The following RNF144A variants were observed in gnomAD, a reference collection of about 807,000 sequenced individuals.
RNF144A encodes E3 ubiquitin-protein ligase RNF144A.
RNF144A carries 11 observed loss-of-function variants against 38.7 expected under a neutral mutation model. The ratio of observed to expected loss-of-function variants is 0.28; its 90% CI spans 0.18 to 0.47. The LOEUF (loss-of-function observed/expected upper bound fraction) is 0.47. Among genes scored for constraint, RNF144A ranks in the 20% least tolerant of loss-of-function variants. RNF144A has a pLI of 0.99. For synonymous variants in RNF144A, 149 were observed against 143.9 expected (o/e 1.04, Z -0.25); for missense variants, 316 against 377.2 (o/e 0.84, Z 1.34).
At chr2:6,946,363 A>G (rs1029835457) in intron 2 of RNF144A, among the ~76,000 whole-genome samples, 3 of 152,224 alleles carry the variant, frequency 2.0e-5, no homozygotes, top group African/African-American at 7.2e-5. Context: ...AATGGGTAAC[A>G]TAATTCAGTC....
chr2:6,972,684 C>T (rs1411442202), intron 2 of RNF144A, among the ~76,000 whole-genome samples: 2 of 152,204 alleles, frequency 1.3e-5, no homozygotes, highest in Non-Finnish European at 2.9e-5. Context: ...AGCTGTGTCT[C>T]AGGGTTGTGT....
In RNF144A at chr2:7,001,615, C is replaced by G. The variant is rs370392218; in HGVS notation, c.135+4554C>G. The stretch of plus-strand genomic sequence containing the variant: ...CTGCTTGAGCCCAGGAGGTCGAGGC[C>G]GCAGTGAGCCATGATTACACCACTG... On this transcript the variant is annotated intron_variant, in intron 3 of 8. Coordinates refer to ENST00000320892, the MANE Select transcript of RNF144A (RefSeq NM_014746.6). Among the ~76,000 whole-genome samples the G allele has an allele frequency of 1.1e-3, 166 of 151,822 alleles. 1 individual carries two copies. Among genetic ancestry groups the G allele is most frequent in the African/African-American group, 4.0e-3 (164 of 41,382 alleles).
intron 7 of RNF144A, 70 bp from the exon 8 acceptor site, chr2:7,030,056 A>G (rs1672176796): frequency 1.9e-6 from 2 of 1,049,788 alleles, no homozygotes; most frequent in Non-Finnish European, 3.0e-6. Flanking sequence ...AAATGCATCA[A>G]TGGCTGTGAT....
At chr2:6,978,260 T>C (rs1572321195) in intron 2 of RNF144A, among the ~76,000 whole-genome samples, 1 of 152,050 alleles carries the variant, frequency 6.6e-6, no homozygotes, top group African/African-American at 2.4e-5. Context: ...ATATGGTGGG[T>C]TCTATTGTTT....
Position 7,064,772 on chromosome 2 carries a change from A to T in RNF144A, c.735-3444A>T, listed in dbSNP as rs181112921. On this transcript the variant is annotated intron_variant, in intron 6 of 6. Coordinates refer to the RNF144A transcript ENST00000432850. ...AAGGTGGTATTTGAGCTTCGCCTTG[A>T]CACATGAATAAACAGATCTCAGCTT... Among the ~76,000 whole-genome samples, 10 of 152,364 alleles carry T rather than the reference A, an allele frequency of 6.6e-5. No individual in the cohort carries two copies. The East Asian group carries it at 1.7e-3, about 26-fold the overall frequency.
chr2:7,054,017 G>T (rs1452180116), intron 6 of RNF144A, among the ~76,000 whole-genome samples: 1 of 152,240 alleles, frequency 6.6e-6, no homozygotes, highest in African/African-American at 2.4e-5. Flanking sequence ...AGCATGGCAT[G>T]GCATGGCTTG....
Position 7,042,816 on chromosome 2 carries a change from A to G in RNF144A, c.*3056A>G. On this transcript the variant is annotated 3_prime_UTR_variant, in exon 9 of 9. Transcript: ENST00000320892. ...AATTAGTTCTTCCTCCTCAACTCAT[A>G]GGAGTAGCTGTGGACAGAGGAACCA... 2.0e-6 allele frequency: 2 copies of G among 985,464 alleles called. No homozygotes were observed. Among genetic ancestry groups the G allele is most frequent in the Non-Finnish European group, 1.2e-6 (1 of 829,924 alleles). The allele number at this position is 985,464 out of a possible 1,614,324, so 61.0% of individuals were successfully genotyped here.
At chr2:6,982,954 G>A (rs1265928576) in intron 2 of RNF144A, among the ~76,000 whole-genome samples, 1 of 152,212 alleles carries the variant, frequency 6.6e-6, no homozygotes, top group Non-Finnish European at 1.5e-5. Context: ...CTTATGATTT[G>A]CTTGTCATTC....
intron 2 of RNF144A, among the ~76,000 whole-genome samples, chr2:6,979,359 T>C (rs1572324199): frequency 6.6e-6 from 1 of 152,168 alleles, no homozygotes; most frequent in East Asian, 1.9e-4. Context: ...GAGGCAGAGG[T>C]GCCTTCTGTG....
downstream of RNF144A, among the ~76,000 whole-genome samples, chr2:7,072,046 A>G (rs985641752): frequency 2.6e-5 from 4 of 152,206 alleles, no homozygotes; most frequent in Non-Finnish European, 5.9e-5. Context: ...CTTTTTTGTC[A>G]TGTCATTCTG....
chr2:7,032,599 G>A (rs546469782), intron 8 of RNF144A, among the ~76,000 whole-genome samples: 4 of 152,332 alleles, frequency 2.6e-5, no homozygotes, highest in East Asian at 1.9e-4. Flanking sequence ...AGATCGATGC[G>A]TCACTGCAAT....
intron 5 of RNF144A, among the ~76,000 whole-genome samples, chr2:7,015,713 A>G (rs933669127): frequency 1.3e-5 from 2 of 152,166 alleles, no homozygotes; most frequent in African/African-American, 4.8e-5. Flanking sequence ...TAAAGAGCAG[A>G]GTGACAGATG....
At chr2:7,063,275 G>A (rs1371963713) in intron 6 of RNF144A, among the ~76,000 whole-genome samples, 1 of 152,242 alleles carries the variant, frequency 6.6e-6, no homozygotes, top group Admixed American at 6.5e-5. Context: ...TTGCTTTTGT[G>A]TAGAGATTTG....
chr2:7,016,098 C>A (rs1220934681), intron 5 of RNF144A, among the ~76,000 whole-genome samples: 3 of 128,204 alleles, frequency 2.3e-5, no homozygotes, highest in Admixed American at 1.7e-4. Context: ...ATTGAGACCC[C>A]GTCTCTAAAA....
At chr2:6,926,080 C>T (rs1664847756) in intron 1 of RNF144A, among the ~76,000 whole-genome samples, 1 of 152,198 alleles carries the variant, frequency 6.6e-6, no homozygotes, top group East Asian at 1.9e-4. Context: ...GCTGGTGCAG[C>T]GGCTTGGGAT....
At chr2:7,076,170 G>A in the RNF144A span, among the ~76,000 whole-genome samples, 3 of 152,180 alleles carry the variant, frequency 2.0e-5, no homozygotes, top group Non-Finnish European at 4.4e-5. Flanking sequence ...TTGCTGAGGG[G>A]AAGATGGCCT....
intron 2 of RNF144A, among the ~76,000 whole-genome samples, chr2:6,949,489 T>TA (rs1368115119): frequency 2.6e-5 from 4 of 152,134 alleles, no homozygotes; most frequent in Middle Eastern, 3.4e-3. Context: ...GGAAGGTTCT[T>TA]ACATAGGACA....
At chr2:6,920,498 C>T (rs771274) in intron 1 of RNF144A, among the ~76,000 whole-genome samples, 124,214 of 152,158 alleles carry the variant, frequency 0.82, 51,895 homozygotes, top group Non-Finnish European at 0.92. Flanking sequence ...CTGCCCTGCA[C>T]GTTGGGTGGT....
In RNF144A at chr2:7,042,031, A is replaced by C; in HGVS notation, c.*2271A>C. The C allele has an allele frequency of 4.1e-6, 4 of 985,394 alleles. No individual in the cohort carries two copies. Among genetic ancestry groups the C allele is most frequent in the Non-Finnish European group, 4.8e-6 (4 of 829,920 alleles). The allele number at this position is 985,394 out of a possible 1,614,324, so 61.0% of individuals were successfully genotyped here. A position where few individuals can be genotyped will look rare whatever the true frequency, so the allele number is the denominator to read the frequency against. The stretch of plus-strand genomic sequence containing the variant: ...GACCACAGAGATTCTGGGGCCAGCC[A>C]GGGGCAGTCAAATTGGCACCTACTG... On this transcript the variant is annotated 3_prime_UTR_variant, in exon 9 of 9. Transcript: ENST00000320892.
Sources: allele counts gnomAD v4.1 joint callset (sites outside exome capture counted in the v4.1 genomes callset), GRCh38; gene constraint gnomAD v4.1.1; transcripts MANE v1.5; gene names NCBI Gene and HGNC (gene_info 2026-07-23, HGNC 2026-07-21).